The following GRID1 variants were observed in gnomAD, a reference collection of about 807,000 sequenced individuals.
GRID1 encodes the protein glutamate receptor ionotropic, delta-1.
GRID1 carries 28 observed loss-of-function variants against 98.0 expected under a neutral mutation model. The observed-to-expected ratio is 0.29, with a 90% confidence interval of 0.21 to 0.39. The LOEUF (loss-of-function observed/expected upper bound fraction) is 0.39. Among genes scored for constraint, GRID1 ranks in the 10% least tolerant of loss-of-function variants. The probability of loss-of-function intolerance (pLI) is 1.00; values close to 1 mark genes in which losing one functional copy is unlikely to be tolerated. For synonymous variants in GRID1, 553 were observed against 538.5 expected, an observed-to-expected ratio of 1.03 and a Z score of -0.37; for missense variants, 1,111 against 1,340.5, an observed-to-expected ratio of 0.83 and a Z score of 2.67.
intron 12 of GRID1, among the ~76,000 whole-genome samples, chr10:85,680,287 T>G (rs2132595512): frequency 6.6e-6 from 1 of 152,244 alleles, no homozygotes; most frequent in Non-Finnish European, 1.5e-5. Context: ...CTGTATTTCC[T>G]TCCTCCATTC....
chr10:85,727,774 C>T, intron 10 of GRID1, 81 bp downstream of exon 10: 1 of 1,047,364 alleles, frequency 9.5e-7, no homozygotes, highest in Non-Finnish European at 1.5e-6. Context: ...AAGGTTTCCA[C>T]TGTGCAATTG....
intron 2 of GRID1, among the ~76,000 whole-genome samples, chr10:86,361,350 A>C (rs970035313): frequency 6.6e-6 from 1 of 152,240 alleles, no homozygotes; most frequent in African/African-American, 2.4e-5. Context: ...CATAAAATGA[A>C]AGTACATGCC....
At chr10:86,254,232 T>C (rs1846881081) in intron 2 of GRID1, among the ~76,000 whole-genome samples, 1 of 151,876 alleles carries the variant, frequency 6.6e-6, no homozygotes, top group South Asian at 2.1e-4. Flanking sequence ...ACACCTGTCC[T>C]CACCACCTGT....
At chr10:85,843,613 A>G (rs963495585) in intron 8 of GRID1, among the ~76,000 whole-genome samples, 3 of 152,074 alleles carry the variant, frequency 2.0e-5, no homozygotes, top group African/African-American at 7.2e-5. Flanking sequence ...ATCGTCTTAG[A>G]AAAACAGGCA....
At chr10:86,224,361 T>C (rs193191926) in intron 2 of GRID1, among the ~76,000 whole-genome samples, 19 of 152,176 alleles carry the variant, frequency 1.2e-4, no homozygotes, top group Admixed American at 9.8e-4. Context: ...TGGCCCACAC[T>C]CCATTCAGCT....
chr10:85,772,441 A>C (rs1286559995), intron 8 of GRID1, among the ~76,000 whole-genome samples: 3 of 151,024 alleles, frequency 2.0e-5, no homozygotes, highest in Non-Finnish European at 4.4e-5. Context: ...ACACATTCAA[A>C]AGCTAGCAGA....
At chr10:86,267,781 A>G (rs1189337489) in intron 2 of GRID1, among the ~76,000 whole-genome samples, 2 of 152,182 alleles carry the variant, frequency 1.3e-5, no homozygotes, top group Non-Finnish European at 2.9e-5. Flanking sequence ...ACACTTCCAT[A>G]GGTCCCCAGA....
chr10:85,697,991 T>C (rs1190116230), intron 12 of GRID1, among the ~76,000 whole-genome samples: 2 of 152,172 alleles, frequency 1.3e-5, no homozygotes, highest in Non-Finnish European at 2.9e-5. Flanking sequence ...AGATTGTCTA[T>C]GTCCGAAGTT....
rs1013908663 is a variant in GRID1 at position 86,174,493 on chromosome 10, A to G, written c.520+31871T>C. Among the ~76,000 whole-genome samples the G allele has an allele frequency of 4.6e-5, 7 of 151,838 alleles. No homozygotes were observed. In the East Asian group the frequency reaches 5.8e-4, roughly 13 times the overall value. On this transcript the variant is annotated intron_variant, in intron 3 of 15. Transcript: ENST00000327946. ...TTACACCTTATACAAAAATTAATTC[A>G]AGATGGATTAAAGACTTAAACATTA... is the stretch of plus-strand genomic sequence containing the variant.
chr10:86,282,836 C>G (rs1320717610), intron 2 of GRID1, among the ~76,000 whole-genome samples: 1 of 152,130 alleles, frequency 6.6e-6, no homozygotes, highest in East Asian at 1.9e-4. Context: ...ATTCTCCACC[C>G]TCAGCAGAGA....
intron 8 of GRID1, among the ~76,000 whole-genome samples, chr10:85,772,374 A>C (rs1188350033): frequency 6.6e-6 from 1 of 151,556 alleles, no homozygotes; most frequent in African/African-American, 2.4e-5. Flanking sequence ...AAAGCAGGAA[A>C]GATCCAAAAT....
intron 12 of GRID1, among the ~76,000 whole-genome samples, chr10:85,655,918 C>A (rs1840889939): frequency 6.6e-6 from 1 of 152,034 alleles, no homozygotes; most frequent in African/African-American, 2.4e-5. Flanking sequence ...CCTTCCTCAC[C>A]ATGAAATTAT....
chr10:85,869,185 A>T lies in GRID1; in HGVS notation c.781-5T>A. 6.2e-7 allele frequency: 1 copy of T among 1,612,276 alleles called. No homozygotes were observed. The highest frequency in any genetic ancestry group is 2.2e-5 in the East Asian group (1 of 44,846). On this transcript the variant is annotated splice_polypyrimidine_tract_variant and splice_region_variant and intron_variant, in intron 5 of 15. Coordinates refer to ENST00000327946, the MANE Select transcript of GRID1 (RefSeq NM_017551.3). ...GATCTCCGGGTCACTGATTTCCTAG[A>T]AAAATAACCAGGCCCATGCTTACCA...
intron 12 of GRID1, among the ~76,000 whole-genome samples, chr10:85,659,939 G>C (rs1250323921): frequency 6.6e-6 from 1 of 152,198 alleles, no homozygotes; most frequent in Non-Finnish European, 1.5e-5. Flanking sequence ...TTGATGCTAA[G>C]CTGTTCCAGG....
chr10:86,013,658 A>C (rs1343379637), intron 4 of GRID1, among the ~76,000 whole-genome samples: 2 of 152,222 alleles, frequency 1.3e-5, no homozygotes, highest in Non-Finnish European at 2.9e-5. Context: ...CCTGAGGTCC[A>C]TAGCAACTTT....
intron 2 of GRID1, among the ~76,000 whole-genome samples, chr10:86,337,862 C>T (rs1442523465): frequency 6.6e-6 from 1 of 151,976 alleles, no homozygotes; most frequent in Non-Finnish European, 1.5e-5. Context: ...CGCCCGCCAC[C>T]ACACCCGGCT....
rs543888673 is a variant in GRID1 at position 85,827,512 on chromosome 10, C to T, written c.1233+26984G>A. 4.6e-5 allele frequency among the ~76,000 whole-genome samples: 7 copies of T among 152,250 alleles called. No homozygotes were observed. In the South Asian group the frequency reaches 1.5e-3, roughly 32 times the overall value. On this transcript the variant is annotated intron_variant, in intron 8 of 15. Coordinates refer to ENST00000327946, the MANE Select transcript of GRID1 (RefSeq NM_017551.3). Reference sequence around the variant, plus strand: ...ATGTGAAGAGACCAAATCTATGACTCATAGGCCAAATCTATGACTTGGAGT... The same window carrying T: ...ATGTGAAGAGACCAAATCTATGACTTATAGGCCAAATCTATGACTTGGAGT...
In GRID1 at chr10:85,837,256, C is replaced by T. The variant is rs536708973; in HGVS notation, c.1233+17240G>A. ...GGGGGCACAGAGAAAGCACCCAGAC[C>T]TATGCCAGCCAGCACCTTGTCCCAA... On this transcript the variant is annotated intron_variant, in intron 8 of 15. Coordinates refer to ENST00000327946, the MANE Select transcript of GRID1 (RefSeq NM_017551.3). Among the ~76,000 whole-genome samples, 3 of 152,296 alleles carry T rather than the reference C, an allele frequency of 2.0e-5. No individual in the cohort carries two copies. The East Asian group carries it at 5.8e-4, about 29-fold the overall frequency.
At chr10:85,766,746 G>A (rs896079909) in intron 8 of GRID1, among the ~76,000 whole-genome samples, 3 of 151,460 alleles carry the variant, frequency 2.0e-5, no homozygotes, top group Admixed American at 1.3e-4. Context: ...GTGTGTGTGT[G>A]TGTGTGTGTG....
Sources: allele counts gnomAD v4.1 joint callset (sites outside exome capture counted in the v4.1 genomes callset), GRCh38; gene constraint gnomAD v4.1.1; transcripts MANE v1.5; gene names NCBI Gene and HGNC (gene_info 2026-07-23, HGNC 2026-07-21).